ADAM19: variants seen among roughly 807,000 people sequenced by gnomAD.
ADAM19 encodes the protein disintegrin and metalloproteinase domain-containing protein 19.
A neutral mutation model predicts 114.7 loss-of-function variants in ADAM19; 65 were observed. The ratio of observed to expected loss-of-function variants is 0.57; its 90% CI spans 0.46 to 0.70. ADAM19 has a LOEUF of 0.70. ADAM19 is among the 30% of genes least tolerant of loss of function. ADAM19 has a pLI of 0.00. For missense variants in ADAM19, 1,063 were observed against 1,204.7 expected, an observed-to-expected ratio of 0.88 and a Z score of 1.74; for synonymous variants, 466 against 460.5, an observed-to-expected ratio of 1.01 and a Z score of -0.15.
chr5:157,488,257 C>T lies in ADAM19; in HGVS notation c.2550+8G>A, dbSNP rs756196939. ...TTCCCAGCCCAAGGTTGCTGATTAT[C>T]CACTTACCTGGGAAACGATGCAATT... On this transcript the variant is annotated splice_region_variant and intron_variant, in intron 21 of 22. Coordinates refer to ENST00000257527, the MANE Select transcript of ADAM19 (RefSeq NM_033274.5). 3 of 1,610,354 alleles carry T rather than the reference C, an allele frequency of 1.9e-6. No individual in the cohort carries two copies. In the South Asian group the frequency reaches 3.3e-5, roughly 18 times the overall value.
At chr5:157,510,273 G>A (rs1410961349) in intron 8 of ADAM19, among the ~76,000 whole-genome samples, 8 of 152,164 alleles carry the variant, frequency 5.3e-5, no homozygotes, top group African/African-American at 9.7e-5. Flanking sequence ...TCGGGAGTTC[G>A]AGACCAGCCT....
rs940041871 is a variant in ADAM19 at position 157,478,984 on chromosome 5, G to A, written c.*1965C>T. The A allele has an allele frequency of 9.1e-6, 9 of 985,502 alleles. No homozygotes were observed. The African/African-American group carries it at 1.6e-4, about 17-fold the overall frequency. The allele number at this position is 985,502 out of a possible 1,614,324, so 61.0% of individuals were successfully genotyped here. A position where few individuals can be genotyped will look rare whatever the true frequency, so the allele number is the denominator to read the frequency against. The stretch of plus-strand genomic sequence containing the variant: ...TGGGTTTTGAGGATGTTGCTTGTTT[G>A]TTTTGCAGAGGGGTGAAAGGGGATG... On this transcript the variant is annotated 3_prime_UTR_variant, in exon 23 of 23. Coordinates refer to ENST00000257527, the MANE Select transcript of ADAM19 (RefSeq NM_033274.5).
Position 157,488,493 on chromosome 5 carries a change from T to C in ADAM19, c.2326-4A>G. The C allele has an allele frequency of 1.3e-6, 2 of 1,580,780 alleles. No homozygotes were observed. On this transcript the variant is annotated splice_region_variant and splice_polypyrimidine_tract_variant and intron_variant, in intron 20 of 22. Coordinates refer to ENST00000257527, the MANE Select transcript of ADAM19 (RefSeq NM_033274.5). Reference sequence around the variant, plus strand: ...GGATTTCCGGAGTGTTGATCACCTGTACGCACAAGTCAAGGAACACCTGAG... The same window carrying C: ...GGATTTCCGGAGTGTTGATCACCTGCACGCACAAGTCAAGGAACACCTGAG...
intron 4 of ADAM19, among the ~76,000 whole-genome samples, chr5:157,535,129 A>C (rs1756727828): frequency 6.6e-6 from 1 of 152,238 alleles, no homozygotes; most frequent in Non-Finnish European, 1.5e-5. Flanking sequence ...GTCAGATATC[A>C]GCATATGCAA....
Position 157,497,066 on chromosome 5 carries a change from G to A in ADAM19, c.1422C>T (p.Cys474=). The A allele has an allele frequency of 6.5e-7, 1 of 1,536,280 alleles. No individual in the cohort carries two copies. Among genetic ancestry groups the A allele is most frequent in the Admixed American group, 2.3e-5 (1 of 43,826 alleles). The change falls in exon 14 of 23, where the codon TGC becomes TGT. Residue 474 remains cysteine, a synonymous_variant. Coordinates refer to ENST00000257527, the MANE Select transcript of ADAM19 (RefSeq NM_033274.5). ...QCKLLAPGTL[C]REQARQCDLP... is the part of the protein sequence containing the mutation. ...GGTCACACTGCCTGGCCTGCTCGCGGCACAGGGTCCCAGGAGCCAACAGCT... is the reference window on the plus strand; with the variant it reads ...GGTCACACTGCCTGGCCTGCTCGCGACACAGGGTCCCAGGAGCCAACAGCT...
intron 12 of ADAM19, among the ~76,000 whole-genome samples, chr5:157,501,872 A>T (rs1265742431): frequency 6.6e-6 from 1 of 151,776 alleles, no homozygotes; most frequent in African/African-American, 2.4e-5. Flanking sequence ...AATGTAGCAA[A>T]ACTCTGTCTC....
chr5:157,481,514 C>G, intron 22 of ADAM19: 1 of 1,166,058 alleles, frequency 8.6e-7, no homozygotes, highest in Non-Finnish European at 1.2e-6. Context: ...GAAACAGACT[C>G]AAGAGGGACT....
intron 3 of ADAM19, among the ~76,000 whole-genome samples, chr5:157,558,335 T>C (rs1340649237): frequency 6.6e-6 from 1 of 152,186 alleles, no homozygotes; most frequent in Non-Finnish European, 1.5e-5. Context: ...ACCTTAGCCA[T>C]GGGGAATGGG....
chr5:157,509,249 G>T, intron 9 of ADAM19, 52 bp downstream of exon 9: 2 of 1,524,278 alleles, frequency 1.3e-6, no homozygotes, highest in Non-Finnish European at 1.8e-6. Flanking sequence ...TGCTGGGTGG[G>T]CAGAGGCTTT....
chr5:157,539,092 G>A (rs1301479982), intron 3 of ADAM19, among the ~76,000 whole-genome samples: 2 of 151,054 alleles, frequency 1.3e-5, no homozygotes, highest in Non-Finnish European at 2.9e-5. Flanking sequence ...GGTGGAGGTT[G>A]CAGCGAGCCG....
intron 4 of ADAM19, among the ~76,000 whole-genome samples, chr5:157,535,721 A>G (rs965453819): frequency 1.3e-5 from 2 of 152,274 alleles, no homozygotes; most frequent in Non-Finnish European, 2.9e-5. Context: ...GTCAAGGATC[A>G]GTCATGAAGT....
At chr5:157,549,074 T>A (rs550918575) in intron 3 of ADAM19, among the ~76,000 whole-genome samples, 1 of 152,062 alleles carries the variant, frequency 6.6e-6, no homozygotes. Context: ...TACACCTCCA[T>A]CCTCTTGGCT....
Position 157,490,505 on chromosome 5 carries a change from G to A in ADAM19, c.2096-51C>T, listed in dbSNP as rs1201495334. 1.9e-6 allele frequency: 3 copies of A among 1,594,822 alleles called. No individual in the cohort carries two copies. The East Asian group carries it at 6.7e-5, about 36-fold the overall frequency. Reference sequence around the variant, plus strand: ...AGATTTAGAAGCTGTCTCGGCTACAGCAGATTTCAAAATAGGTATTCGTGC... The same window carrying A: ...AGATTTAGAAGCTGTCTCGGCTACAACAGATTTCAAAATAGGTATTCGTGC... On this transcript the variant is annotated intron_variant, in intron 18 of 22. Coordinates refer to ENST00000257527, the MANE Select transcript of ADAM19 (RefSeq NM_033274.5).
intron 5 of ADAM19, among the ~76,000 whole-genome samples, chr5:157,520,256 G>T (rs565317671): frequency 6.6e-6 from 1 of 152,030 alleles, no homozygotes; most frequent in Admixed American, 6.6e-5. Context: ...TGAGCTCAGG[G>T]CACTTGGACC....
chr5:157,478,948 A>G lies in ADAM19; in HGVS notation c.*2001T>C. 1 of 985,530 alleles carries G rather than the reference A, an allele frequency of 1.0e-6. No individual in the cohort carries two copies. The highest frequency in any genetic ancestry group is 1.2e-6 in the Non-Finnish European group (1 of 829,918). 61.0% of individuals were successfully genotyped at this position (985,530 alleles called of 1,614,324 possible). A position where few individuals can be genotyped will look rare whatever the true frequency, so the allele number is the denominator to read the frequency against. On this transcript the variant is annotated 3_prime_UTR_variant, in exon 23 of 23. Transcript: ENST00000257527. ...TGGAGAAGCCACAGGAAGCTCTGTG[A>G]GGCATGGGGTTGGGTTTTGAGGATG...
chr5:157,499,835 G>A (rs111245024), intron 12 of ADAM19, among the ~76,000 whole-genome samples, 173 bp from the exon 13 acceptor site: 2,515 of 145,012 alleles, frequency 0.017, 69 homozygotes, highest in African/African-American at 0.063. Flanking sequence ...GGAGTGCAGT[G>A]ATGCAATATC....
chr5:157,504,243 T>C (rs1348615784), intron 11 of ADAM19, among the ~76,000 whole-genome samples: 1 of 152,154 alleles, frequency 6.6e-6, no homozygotes, highest in Admixed American at 6.5e-5. Flanking sequence ...CCTCATTCTT[T>C]TTTTGTTGTT....
At chr5:157,525,292 ACTT>A (rs960157854) in intron 5 of ADAM19, among the ~76,000 whole-genome samples, 1 of 152,156 alleles carries the variant, frequency 6.6e-6, no homozygotes, top group Admixed American at 6.5e-5. Flanking sequence ...AGGACTTGCC[ACTT>A]CTTCTCCAGG....
At chr5:157,486,210 C>T (rs1434578855) in intron 21 of ADAM19, among the ~76,000 whole-genome samples, 4 of 152,148 alleles carry the variant, frequency 2.6e-5, no homozygotes, top group Non-Finnish European at 5.9e-5. Flanking sequence ...TGTGCAATGT[C>T]GGGCAAGTCC....
Sources: gnomAD v4.1 joint callset for allele counts (sites outside exome capture counted in the v4.1 genomes callset) on GRCh38, gnomAD v4.1.1 for gene constraint, MANE v1.5 for transcripts, NCBI Gene and HGNC (gene_info 2026-07-23, HGNC 2026-07-21) for gene names.